Variants in NCOR2 observed in about 807,000 individuals in gnomAD.
NCOR2 encodes nuclear receptor corepressor 2, also known as CTG repeat protein 26.
NCOR2 carries 81 observed loss-of-function variants against 262.9 expected under a neutral mutation model. The observed-to-expected ratio is 0.31, with a 90% confidence interval of 0.26 to 0.37. NCOR2 has a LOEUF of 0.37. Ranked by LOEUF, NCOR2 falls within the 10% of genes least tolerant of loss-of-function variation. NCOR2 has a pLI of 1.00. For synonymous variants in NCOR2, 1,659 were observed against 1,559.3 expected (o/e 1.06, Z -1.51); for missense variants, 3,385 against 3,621.4 (o/e 0.93, Z 1.68).
chr12:124,488,545 C>T (rs771001934), intron 1 of NCOR2, among the ~76,000 whole-genome samples: 8 of 152,196 alleles, frequency 5.3e-5, no homozygotes, highest in South Asian at 4.1e-4. Flanking sequence ...AGAAAAGGCA[C>T]GAGCCTCCTC....
In NCOR2 at chr12:124,373,301, CCGGG is replaced by C. The variant is rs2039665663; in HGVS notation, c.2219-695_2219-692del. Among the ~76,000 whole-genome samples the C allele has an allele frequency of 2.3e-4, 12 of 51,852 alleles. 4 individuals are homozygous for C. Among genetic ancestry groups the C allele is most frequent in the Non-Finnish European group, 1.5e-4 (3 of 20,070 alleles). The allele number at this position is 51,852 out of a possible 152,430, so 34.0% of individuals were successfully genotyped here. On this transcript the variant is annotated intron_variant, in intron 19 of 46. Transcript: ENST00000405201. ...ATGAGGCCAGTGCGTGTGCAGGGGC[CCGGG>C]CACAGTGGACAATCATGAGGCCAGT...
Position 124,333,414 on chromosome 12 carries a change from A to T in NCOR2, c.6606-135T>A, listed in dbSNP as rs1426730578. 5 of 718,512 alleles carry T rather than the reference A, an allele frequency of 7.0e-6. No homozygotes were observed. The Admixed American group carries it at 1.5e-4, about 22-fold the overall frequency. The allele number at this position is 718,512 out of a possible 1,614,324, so 44.5% of individuals were successfully genotyped here. A position where few individuals can be genotyped will look rare whatever the true frequency, so the allele number is the denominator to read the frequency against. On this transcript the variant is annotated intron_variant, in intron 41 of 46. Coordinates refer to ENST00000405201, the Ensembl canonical transcript of NCOR2. ...ATCATAAACGTTTTAGGCATTTTCG[A>T]CCACAAGTAATCTCTGGCATGTATC...
chr12:124,423,878 G>A (rs1261448408), intron 11 of NCOR2, among the ~76,000 whole-genome samples: 2 of 152,234 alleles, frequency 1.3e-5, no homozygotes, highest in Non-Finnish European at 2.9e-5. Context: ...CGAGGAAATT[G>A]AGGTTCAGAG....
intron 41 of NCOR2, 72 bp downstream of exon 43, chr12:124,334,352 G>C: frequency 8.4e-7 from 1 of 1,184,554 alleles, no homozygotes; most frequent in Non-Finnish European, 1.2e-6. Context: ...CTCAGACCCA[G>C]CTCTGAGGCA....
intron 15 of NCOR2, 33 bp downstream of exon 17, chr12:124,400,468 C>T (rs1465232319): frequency 1.2e-6 from 2 of 1,603,428 alleles, no homozygotes; most frequent in South Asian, 2.2e-5. Context: ...TCTCCAGCCC[C>T]TTCCCCACCC....
chr12:124,498,046 G>A (rs1210353357), upstream of NCOR2, among the ~76,000 whole-genome samples: 6 of 152,124 alleles, frequency 3.9e-5, no homozygotes, highest in South Asian at 1.2e-3. Context: ...CTTCTCTCTA[G>A]GTGCTAAACA....
At chr12:124,552,324 A>C (rs1445313564) in intron 1 of NCOR2, among the ~76,000 whole-genome samples, 1 of 152,078 alleles carries the variant, frequency 6.6e-6, no homozygotes, top group Non-Finnish European at 1.5e-5. Flanking sequence ...GTCTCAAAAA[A>C]AAAAACCACT....
intron 1 of NCOR2, among the ~76,000 whole-genome samples, chr12:124,543,148 G>A (rs2051428056): frequency 6.6e-6 from 1 of 152,186 alleles, no homozygotes; most frequent in Non-Finnish European, 1.5e-5. Flanking sequence ...GCATGGATGT[G>A]AGTGATCAGG....
At chr12:124,423,512 G>A (rs904248342) in intron 11 of NCOR2, among the ~76,000 whole-genome samples, 2 of 152,348 alleles carry the variant, frequency 1.3e-5, no homozygotes, top group African/African-American at 2.4e-5. Context: ...CTCTCTTCCC[G>A]GTGGAAGCGG....
At chr12:124,429,627 G>A in exon 10 of NCOR2, 1 of 1,606,458 alleles carries the variant, frequency 6.2e-7, no homozygotes, top group Non-Finnish European at 8.5e-7. Flanking sequence ...TGCTCTGAGA[G>A]GCCATCGATG....
intron 7 of NCOR2, among the ~76,000 whole-genome samples, chr12:124,438,961 A>T (rs2044602495): frequency 1.0e-5 from 1 of 98,214 alleles, no homozygotes; most frequent in Non-Finnish European, 2.2e-5. Flanking sequence ...AGACCCAGAG[A>T]CAGAGGGAGA....
At chr12:124,561,562 G>C (rs911942835) in intron 1 of NCOR2, among the ~76,000 whole-genome samples, 7 of 152,170 alleles carry the variant, frequency 4.6e-5, no homozygotes, top group African/African-American at 1.2e-4. Context: ...GGGAGAGGAA[G>C]TGGGGGAAGA....
At chr12:124,476,401 G>A (rs944558250) in intron 3 of NCOR2, among the ~76,000 whole-genome samples, 2 of 152,174 alleles carry the variant, frequency 1.3e-5, no homozygotes, top group South Asian at 2.1e-4. Flanking sequence ...AAACATCTCC[G>A]CTATCCTATC....
intron 1 of NCOR2, among the ~76,000 whole-genome samples, chr12:124,529,196 A>AAAAAAAAC (rs1566029114): frequency 2.0e-5 from 3 of 147,072 alleles, no homozygotes; most frequent in African/African-American, 7.9e-5. Flanking sequence ...AAAAAAAAAA[A>AAAAAAAAC]AAAAAACACT....
chr12:124,335,153 G>T (rs747067459), exon 40 of NCOR2: 1 of 1,612,162 alleles, frequency 6.2e-7, no homozygotes, highest in Non-Finnish European at 8.5e-7. Context: ...GCTGGGCCAG[G>T]GTGACCACCC....
intron 16 of NCOR2, among the ~76,000 whole-genome samples, chr12:124,392,226 A>G (rs993849924): frequency 6.6e-6 from 1 of 152,134 alleles, no homozygotes; most frequent in African/African-American, 2.4e-5. Flanking sequence ...GCCTGATTTC[A>G]TCTTCAAGGG....
chr12:124,325,054 G>A (rs188356267), exon 47 of NCOR2: 83 of 199,208 alleles, frequency 4.2e-4, no homozygotes, highest in Middle Eastern at 1.6e-3. Context: ...AGGCAGTGGC[G>A]TGGAGGTGCG....
intron 13 of NCOR2, among the ~76,000 whole-genome samples, chr12:124,404,974 G>A (rs901783142): frequency 6.6e-6 from 1 of 152,232 alleles, no homozygotes; most frequent in Non-Finnish European, 1.5e-5. Flanking sequence ...CGGAGCAAAG[G>A]CTGACGGCCC....
chr12:124,536,177 G>A (rs1482504337), upstream of NCOR2, among the ~76,000 whole-genome samples: 1 of 152,108 alleles, frequency 6.6e-6, no homozygotes, highest in African/African-American at 2.4e-5. Context: ...CCAACCCTAA[G>A]GCGATCCTCC....
Sources: gnomAD v4.1 joint callset for allele counts (sites outside exome capture counted in the v4.1 genomes callset) on GRCh38, gnomAD v4.1.1 for gene constraint, MANE v1.5 for transcripts, NCBI Gene and HGNC (gene_info 2026-07-23, HGNC 2026-07-21) for gene names.